Variants in CDH4 observed in about 807,000 individuals in gnomAD.
CDH4 encodes cadherin-4.
CDH4 carries 33 observed loss-of-function variants against 86.0 expected under a neutral mutation model. The observed-to-expected ratio is 0.38, with a 90% CI of 0.29 to 0.51. The LOEUF is 0.51. Ranked by LOEUF, CDH4 falls within the 20% of genes least tolerant of loss-of-function variation. The pLI is 0.86. For missense variants in CDH4, 1,114 were observed against 1,307.4 expected (o/e 0.85, Z 2.28); for synonymous variants, 555 against 549.4 (o/e 1.01, Z -0.14).
chr20:61,337,535 GC>G (rs2084626666), intron 2 of CDH4, among the ~76,000 whole-genome samples: 1 of 151,964 alleles, frequency 6.6e-6, no homozygotes, highest in African/African-American at 2.4e-5. Flanking sequence ...ATGAGGGAAA[GC>G]ATGGTCGTGG....
intron 2 of CDH4, among the ~76,000 whole-genome samples, chr20:61,683,311 A>G (rs1323097865): frequency 6.6e-6 from 1 of 152,222 alleles, no homozygotes; most frequent in African/African-American, 2.4e-5. Flanking sequence ...TGGCAGAGAA[A>G]GAAACGATCA....
At chr20:61,933,562 G>A (rs2055140199) in intron 14 of CDH4, among the ~76,000 whole-genome samples, 1 of 152,188 alleles carries the variant, frequency 6.6e-6, no homozygotes, top group African/African-American at 2.4e-5. Flanking sequence ...AGGGAATCGG[G>A]GCAAGTCAAG....
At chr20:61,474,530 G>A (rs958501054) in intron 2 of CDH4, among the ~76,000 whole-genome samples, 4 of 151,680 alleles carry the variant, frequency 2.6e-5, no homozygotes, top group African/African-American at 9.7e-5. Flanking sequence ...GTACCTTCGG[G>A]GTAGTAAATA....
intron 14 of CDH4, among the ~76,000 whole-genome samples, chr20:61,933,560 G>A (rs534881459): frequency 3.4e-4 from 52 of 152,348 alleles, no homozygotes; most frequent in Admixed American, 1.6e-3. Flanking sequence ...TCAGGGAATC[G>A]GGGCAAGTCA....
intron 5 of CDH4, 25 bp downstream of exon 5, chr20:61,844,848 A>G (rs1360100664): frequency 6.3e-7 from 1 of 1,596,928 alleles, no homozygotes; most frequent in Non-Finnish European, 8.6e-7. Flanking sequence ...CCGGCTGAGA[A>G]TGGGGCCCTG....
chr20:61,351,804 C>T (rs2084714381), intron 2 of CDH4, among the ~76,000 whole-genome samples: 1 of 152,014 alleles, frequency 6.6e-6, no homozygotes, highest in Non-Finnish European at 1.5e-5. Context: ...GCAACCTCCG[C>T]CTCCCAGGTT....
chr20:61,823,912 T>G (rs749587804), intron 4 of CDH4, among the ~76,000 whole-genome samples: 7 of 152,252 alleles, frequency 4.6e-5, no homozygotes, highest in Non-Finnish European at 7.3e-5. Flanking sequence ...GGGGCGGCTT[T>G]CTTTATGTGT....
chr20:61,900,504 G>A (rs936951355), intron 8 of CDH4, among the ~76,000 whole-genome samples: 8 of 152,174 alleles, frequency 5.3e-5, no homozygotes, highest in South Asian at 4.1e-4. Context: ...CAGAGGGGGC[G>A]CTTCTGAGAG....
chr20:61,381,205 G>T (rs6061581), intron 2 of CDH4, among the ~76,000 whole-genome samples: 1 of 151,968 alleles, frequency 6.6e-6, no homozygotes, highest in Non-Finnish European at 1.5e-5. Flanking sequence ...AAGCTGTCAA[G>T]TGTCCTGCCT....
intron 2 of CDH4, among the ~76,000 whole-genome samples, chr20:61,595,206 C>T (rs2086547234): frequency 6.6e-6 from 1 of 152,262 alleles, no homozygotes; most frequent in Non-Finnish European, 1.5e-5. Flanking sequence ...CCCTCTGCTG[C>T]CAATGTCTGG....
At chr20:61,487,795 C>T (rs1012223880) in intron 2 of CDH4, among the ~76,000 whole-genome samples, 9 of 152,210 alleles carry the variant, frequency 5.9e-5, no homozygotes, top group African/African-American at 2.2e-4. Flanking sequence ...GAGGACTTGT[C>T]AACACGCCAG....
chr20:61,935,128 G>A (rs868069542), intron 15 of CDH4, among the ~76,000 whole-genome samples: 8 of 152,290 alleles, frequency 5.3e-5, no homozygotes, highest in Middle Eastern at 3.4e-3. Context: ...GGTGTCCTCC[G>A]TGCTGCTTCT....
In CDH4 at chr20:61,899,588, C is replaced by T. The variant is rs551889996; in HGVS notation, c.1188+4541C>T. 6.7e-3 allele frequency among the ~76,000 whole-genome samples: 1,016 copies of T among 152,160 alleles called. 11 individuals are homozygous for T. Among genetic ancestry groups the T allele is most frequent in the African/African-American group, 0.023 (958 of 41,534 alleles). ...AACTACAGGCGCCTGCCACCACGCCCGGCTAATTTTTTGTATTCTTAGTAG... is the reference window on the plus strand; with the variant it reads ...AACTACAGGCGCCTGCCACCACGCCTGGCTAATTTTTTGTATTCTTAGTAG... On this transcript the variant is annotated intron_variant, in intron 8 of 15. Transcript: ENST00000614565.
At chr20:61,797,069 C>G (rs1979566575) in intron 4 of CDH4, among the ~76,000 whole-genome samples, 2 of 110,026 alleles carry the variant, frequency 1.8e-5, no homozygotes, top group South Asian at 6.1e-4. Context: ...TCTCTGAAGG[C>G]TGGGACAGGA....
rs1460845777 is a variant in CDH4 at position 61,754,825 on chromosome 20, C to G, written c.396+11036C>G. Among the ~76,000 whole-genome samples, 1 of 149,972 alleles carries G rather than the reference C, an allele frequency of 6.7e-6. No homozygotes were observed. The highest frequency in any genetic ancestry group is 1.5e-5 in the Non-Finnish European group (1 of 67,518). ...CACACCACACACACGATGCATGCCA[C>G]ACACCACACACATGCCCCACACACA... On this transcript the variant is annotated intron_variant, in intron 3 of 15. Transcript: ENST00000614565. This position sits in a 1 kb window ranked among gnomAD's most constrained non-coding sequence, Gnocchi z 4.7.
At chr20:61,611,770 G>C (rs2086687125) in intron 2 of CDH4, among the ~76,000 whole-genome samples, 1 of 152,150 alleles carries the variant, frequency 6.6e-6, no homozygotes, top group African/African-American at 2.4e-5. Flanking sequence ...CGGGAAGCAA[G>C]CTCAGTGGGG....
chr20:61,369,154 G>A (rs548906775), intron 2 of CDH4, among the ~76,000 whole-genome samples: 1 of 152,210 alleles, frequency 6.6e-6, no homozygotes, highest in South Asian at 2.1e-4. Context: ...ATAGTCTTTT[G>A]TTAAAAGACA....
chr20:61,818,108 C>T (rs1485754256), intron 4 of CDH4, among the ~76,000 whole-genome samples: 1 of 152,144 alleles, frequency 6.6e-6, no homozygotes, highest in Non-Finnish European at 1.5e-5. Context: ...TGGCTCACTG[C>T]AACCTCTGCC....
intron 6 of CDH4, among the ~76,000 whole-genome samples, chr20:61,860,792 C>T (rs946841682): frequency 2.0e-5 from 3 of 152,134 alleles, no homozygotes; most frequent in Non-Finnish European, 4.4e-5. Context: ...AGAGTAATGG[C>T]CCACAGGCTG....
Sources: allele counts gnomAD v4.1 joint callset (sites outside exome capture counted in the v4.1 genomes callset), GRCh38; gene constraint gnomAD v4.1.1; non-coding constraint Gnocchi (gnomAD v3.1); transcripts MANE v1.5; gene names NCBI Gene and HGNC (gene_info 2026-07-23, HGNC 2026-07-21).